The following RSPRY1 variants were observed in gnomAD, a reference collection of about 807,000 sequenced individuals.
RSPRY1 encodes RING finger and SPRY domain-containing protein 1.
RSPRY1 carries 23 observed loss-of-function variants against 73.1 expected under a neutral mutation model. That is an observed-to-expected ratio of 0.31 (90% CI 0.23 to 0.45). RSPRY1 has a LOEUF of 0.45. RSPRY1 is among the 20% of genes least tolerant of loss of function. The probability of loss-of-function intolerance (pLI) is 1.00; values close to 1 mark genes in which losing one functional copy is unlikely to be tolerated. For missense variants in RSPRY1, 448 were observed against 698.7 expected, an observed-to-expected ratio of 0.64 and a Z score of 4.05; for synonymous variants, 226 against 251.4, an observed-to-expected ratio of 0.90 and a Z score of 0.95.
chr16:57,218,164 A>G (rs1277961275), intron 8 of RSPRY1, among the ~76,000 whole-genome samples: 2 of 152,060 alleles, frequency 1.3e-5, no homozygotes, highest in African/African-American at 4.8e-5. Context: ...TTCCAGGGGG[A>G]TTATTTTTAA....
intron 1 of RSPRY1, among the ~76,000 whole-genome samples, chr16:57,188,164 T>G (rs1360304308): frequency 6.6e-6 from 1 of 152,264 alleles, no homozygotes; most frequent in Non-Finnish European, 1.5e-5. Flanking sequence ...AAATTTCTCT[T>G]GCACAGTGGT....
chr16:57,235,976 T>G (rs1165849944), intron 14 of RSPRY1, among the ~76,000 whole-genome samples: 2 of 152,214 alleles, frequency 1.3e-5, no homozygotes, highest in African/African-American at 4.8e-5. Flanking sequence ...GTTATCTAAT[T>G]GGCTGTGCAC....
intron 2 of RSPRY1, 81 bp downstream of exon 2, chr16:57,205,089 C>G (rs994563481): frequency 4.9e-6 from 5 of 1,028,952 alleles, no homozygotes; most frequent in Non-Finnish European, 7.2e-6. Flanking sequence ...TCCTTCAGTT[C>G]CTTTAGGACA....
intron 1 of RSPRY1, among the ~76,000 whole-genome samples, chr16:57,193,844 T>A (rs2074392380): frequency 6.6e-6 from 1 of 152,034 alleles, no homozygotes; most frequent in Non-Finnish European, 1.5e-5. Context: ...GGTGGACAGA[T>A]CATTTGAGGT....
intron 13 of RSPRY1, among the ~76,000 whole-genome samples, chr16:57,233,452 A>G (rs548410602): frequency 2.0e-5 from 3 of 151,800 alleles, no homozygotes; most frequent in South Asian, 2.1e-4. Flanking sequence ...GGTCATTGCA[A>G]CCTCCATCTC....
chr16:57,209,052 T>C, intron 3 of RSPRY1, 23 bp from the exon 4 acceptor site: 1 of 1,470,656 alleles, frequency 6.8e-7, no homozygotes, highest in East Asian at 2.3e-5. Flanking sequence ...CTCCATCATA[T>C]AATCTTCTTG....
At chr16:57,232,177 G>A (rs2075232873) in intron 13 of RSPRY1, among the ~76,000 whole-genome samples, 1 of 152,168 alleles carries the variant, frequency 6.6e-6, no homozygotes, top group Admixed American at 6.5e-5. Flanking sequence ...TGTCGGACTG[G>A]TATGCCCCTG....
intron 10 of RSPRY1, among the ~76,000 whole-genome samples, chr16:57,226,312 C>G (rs546876865): frequency 6.6e-6 from 1 of 152,124 alleles, no homozygotes; most frequent in East Asian, 1.9e-4. Context: ...TTTTGGACCT[C>G]GCGCAAGAAA....
chr16:57,204,680 G>A lies in RSPRY1; in HGVS notation c.22G>A (p.Val8Met), dbSNP rs774739184. The A allele has an allele frequency of 1.2e-6, 2 of 1,613,944 alleles. No individual in the cohort carries two copies. The highest frequency in any genetic ancestry group is 1.7e-5 in the Admixed American group (1 of 59,996). The stretch of plus-strand genomic sequence containing the variant: ...CTAAATGATCGTCTTTGGTTGGGCC[G>A]TGTTCTTAGCGAGCAGAAGCCTTGG... MIVFGWA[V>M]FLASRSLGQG... The change falls in exon 2 of 15, where the codon GTG becomes ATG. Residue 8 changes from valine to methionine, a missense_variant. Transcript: ENST00000394420.
At chr16:57,197,785 A>G (rs2074478196) in intron 1 of RSPRY1, among the ~76,000 whole-genome samples, 2 of 152,232 alleles carry the variant, frequency 1.3e-5, no homozygotes, top group African/African-American at 2.4e-5. Context: ...ATGCAATGAC[A>G]CCATTAGGGC....
chr16:57,216,300 G>T (rs1177753182), intron 7 of RSPRY1, 127 bp downstream of exon 7: 10 of 689,192 alleles, frequency 1.5e-5, no homozygotes, highest in Non-Finnish European at 2.5e-5. Flanking sequence ...GTTTTCATCT[G>T]GATAGACACG....
rs2075214878 is a variant in RSPRY1, at chr16:57,231,245, C to T, written c.1455C>T (p.Tyr485=). The T allele has an allele frequency of 6.2e-7, 1 of 1,613,564 alleles. No individual in the cohort carries two copies. Among genetic ancestry groups the T allele is most frequent in the African/African-American group, 1.3e-5 (1 of 74,886 alleles). The change falls in exon 13 of 15, where the codon TAC becomes TAT. Residue 485 remains tyrosine (Y), a synonymous_variant. Transcript: ENST00000394420. ...ATTTTGGAGCAAAACCATTCAAATA[C>T]CCACCATCTATGAAATTTAGCACTT... is the stretch of plus-strand genomic sequence containing the variant. ...EFNFGAKPFK[Y]PPSMKFSTFN...
chr16:57,203,317 A>G (rs1467327859), intron 1 of RSPRY1, among the ~76,000 whole-genome samples: 1 of 152,126 alleles, frequency 6.6e-6, no homozygotes, highest in African/African-American at 2.4e-5. Flanking sequence ...AAATAAACAA[A>G]TAAAATAATG....
chr16:57,230,904 C>T lies in RSPRY1; in HGVS notation c.1376+91C>T, dbSNP rs144205967. The T allele has an allele frequency of 1.4e-3, 1,116 of 780,008 alleles. 10 individuals carry two copies. In the African/African-American group the frequency reaches 0.018, roughly 13 times the overall value. The allele number at this position is 780,008 out of a possible 1,614,324, so 48.3% of individuals were successfully genotyped here. On this transcript the variant is annotated intron_variant, in intron 12 of 14. Coordinates refer to ENST00000394420, the MANE Select transcript of RSPRY1 (RefSeq NM_133368.3). ...AAAAGTCTTTGTCCATTTATATATGCAATTGTGATGAGAAATTGATTAATT... is the reference window on the plus strand; with the variant it reads ...AAAAGTCTTTGTCCATTTATATATGTAATTGTGATGAGAAATTGATTAATT...
At chr16:57,188,775 C>G (rs1011409881) in intron 1 of RSPRY1, among the ~76,000 whole-genome samples, 1 of 152,132 alleles carries the variant, frequency 6.6e-6, no homozygotes, top group South Asian at 2.1e-4. Context: ...CTCGGCCTCC[C>G]AAAGTGCCGG....
Position 57,230,810 on chromosome 16 carries a change from C to T in RSPRY1, c.1373C>T (p.Thr458Ile). ...CCTGAAAAGCAAGTCTTTTCATCTA[C>T]TGTGTAAGTAGCTCTTCTCAGTCAA... The part of the protein sequence containing the change: ...LPPEKQVFSS[T>I]VSGFFAAASF... The change falls in exon 12 of 15, where the codon ACT (threonine) becomes ATT (isoleucine). Residue 458 changes from threonine (T) to isoleucine (I), a missense_variant. Coordinates refer to ENST00000394420, the MANE Select transcript of RSPRY1 (RefSeq NM_133368.3). 2 of 1,579,150 alleles carry T rather than the reference C, an allele frequency of 1.3e-6. No individual in the cohort carries two copies. Among genetic ancestry groups the T allele is most frequent in the Non-Finnish European group, 1.7e-6 (2 of 1,149,662 alleles).
At chr16:57,189,892 C>G (rs536610380) in intron 1 of RSPRY1, among the ~76,000 whole-genome samples, 1 of 151,944 alleles carries the variant, frequency 6.6e-6, no homozygotes, top group Non-Finnish European at 1.5e-5. Context: ...TGCCTGGCCT[C>G]GTGAGCTTAA....
At chr16:57,234,723 A>G (rs998385375) in intron 13 of RSPRY1, among the ~76,000 whole-genome samples, 6 of 152,224 alleles carry the variant, frequency 3.9e-5, no homozygotes. Flanking sequence ...ACCCCTTGAA[A>G]TTGTATAAAA....
At chr16:57,217,875 A>G (rs1394466772) in intron 8 of RSPRY1, among the ~76,000 whole-genome samples, 2 of 152,218 alleles carry the variant, frequency 1.3e-5, no homozygotes, top group East Asian at 1.9e-4. Context: ...AGCTTCATGC[A>G]CAGCCTGTGA....
Sources: allele counts gnomAD v4.1 joint callset (sites outside exome capture counted in the v4.1 genomes callset), GRCh38; gene constraint gnomAD v4.1.1; transcripts MANE v1.5; gene names NCBI Gene and HGNC (gene_info 2026-07-23, HGNC 2026-07-21).